Variants in ANO2 observed in about 807,000 individuals in gnomAD.
The protein encoded by ANO2 is anoctamin 2.
ANO2 carries 101 observed loss-of-function variants against 124.2 expected under a neutral mutation model. The ratio of observed to expected loss-of-function variants is 0.81; its 90% confidence interval spans 0.69 to 0.96. The LOEUF is 0.96. Among genes scored for constraint, ANO2 ranks in the 40% least tolerant of loss-of-function variants. The probability of loss-of-function intolerance (pLI) is 0.00; values close to 1 mark genes in which losing one functional copy is unlikely to be tolerated. For synonymous variants in ANO2, 486 were observed against 482.5 expected, an observed-to-expected ratio of 1.01 and a Z score of -0.09; for missense variants, 1,293 against 1,274.5, an observed-to-expected ratio of 1.01 and a Z score of -0.22.
chr12:5,829,421 G>A (rs1442768209), intron 6 of ANO2, among the ~76,000 whole-genome samples: 1 of 152,208 alleles, frequency 6.6e-6, no homozygotes, highest in Non-Finnish European at 1.5e-5. Context: ...GATCTGAGAT[G>A]TCCTTGCCCA....
At chr12:5,930,142 T>C (rs12580625) in intron 1 of ANO2, among the ~76,000 whole-genome samples, 6 of 57,028 alleles carry the variant, frequency 1.1e-4, no homozygotes, top group Non-Finnish European at 1.4e-4. Context: ...TACTAGTCTG[T>C]CTTCTTTCCT....
Position 5,612,976 on chromosome 12 carries a change from G to A in ANO2, c.1929-18C>T, listed in dbSNP as rs1389055284. 5 of 1,613,582 alleles carry A rather than the reference G, an allele frequency of 3.1e-6. No homozygotes were observed. Among genetic ancestry groups the A allele is most frequent in the African/African-American group, 2.7e-5 (2 of 74,904 alleles). On this transcript the variant is annotated intron_variant, in intron 17 of 24. Coordinates refer to ENST00000682330, the MANE Select transcript of ANO2 (RefSeq NM_001364791.2). Reference sequence around the variant, plus strand: ...CCACAAACCTGAAATCAAACAGTGTGGGAAGAGTTAGGGGAAGAGAAAGCA... The same window carrying A: ...CCACAAACCTGAAATCAAACAGTGTAGGAAGAGTTAGGGGAAGAGAAAGCA...
chr12:5,894,957 T>C (rs567877198), intron 3 of ANO2, among the ~76,000 whole-genome samples: 1 of 152,272 alleles, frequency 6.6e-6, no homozygotes, highest in African/African-American at 2.4e-5. Context: ...TTGTCTAGGA[T>C]TGTCTTGGAT....
In ANO2 at chr12:5,563,352, G is replaced by T; in HGVS notation, c.2944C>A (p.Gln982Lys). 6.2e-7 allele frequency: 1 copy of T among 1,605,012 alleles called. No homozygotes were observed. The change falls in exon 25 of 25, where the codon CAA (glutamine) becomes AAA (lysine). Residue 982 changes from glutamine to lysine, a missense_variant. Gln to Lys is a moderately conservative substitution (Grantham distance 53). Transcript: ENST00000682330. ...SRAASSAPSG[Q>K]SQLGSMMSSG... ...GACATCATGCTGCCCAGCTGGCTTT[G>T]GCCTGAAGGTGCTGAGCTGGCTGCC...
Position 5,923,329 on chromosome 12 carries a change from T to G in ANO2, c.23-525A>C, listed in dbSNP as rs556652710. On this transcript the variant is annotated intron_variant, in intron 1 of 24. Coordinates refer to ENST00000682330, the MANE Select transcript of ANO2 (RefSeq NM_001364791.2). Reference sequence around the variant, plus strand: ...AGCAGGAGCTCCTTCGGATCATGGCTGTCATAATCTCTCATAATTCCCAGA... The same window carrying G: ...AGCAGGAGCTCCTTCGGATCATGGCGGTCATAATCTCTCATAATTCCCAGA... 2.6e-5 allele frequency among the ~76,000 whole-genome samples: 4 copies of G among 151,806 alleles called. No homozygotes were observed. In the South Asian group the frequency reaches 8.3e-4, roughly 32 times the overall value.
At chr12:5,634,432 A>G (rs1945895568) in intron 16 of ANO2, among the ~76,000 whole-genome samples, 1 of 152,216 alleles carries the variant, frequency 6.6e-6, no homozygotes, top group Non-Finnish European at 1.5e-5. Flanking sequence ...AAATCCCTAC[A>G]TTCAGAGAGG....
chr12:5,798,388 T>C (rs910659895), intron 10 of ANO2, among the ~76,000 whole-genome samples: 1 of 152,094 alleles, frequency 6.6e-6, no homozygotes, highest in African/African-American at 2.4e-5. Context: ...TGCATCTCTG[T>C]GTAGGAGGTG....
intron 3 of ANO2, among the ~76,000 whole-genome samples, chr12:5,884,909 C>T (rs1386353424): frequency 6.6e-6 from 1 of 152,048 alleles, no homozygotes; most frequent in African/African-American, 2.4e-5. Context: ...CCCCTGCCCA[C>T]CCACCACCAT....
At position 5,840,785 on chromosome 12, in the gene ANO2, G is replaced by A. The variant is rs140954339; in HGVS notation, c.634-8182C>T. On this transcript the variant is annotated intron_variant, in intron 4 of 24. Transcript: ENST00000682330. ...GTGTTGACAGAAATTAACACCCATCGTCCGCCTCTTTTTATTTATTGATGC... is the reference window on the plus strand; with the variant it reads ...GTGTTGACAGAAATTAACACCCATCATCCGCCTCTTTTTATTTATTGATGC... Among the ~76,000 whole-genome samples, 5 of 152,246 alleles carry A rather than the reference G, an allele frequency of 3.3e-5. No individual in the cohort carries two copies. The East Asian group carries it at 7.7e-4, about 24-fold the overall frequency.
intron 23 of ANO2, among the ~76,000 whole-genome samples, chr12:5,566,979 T>G (rs560124059): frequency 6.6e-6 from 1 of 152,186 alleles, no homozygotes; most frequent in Admixed American, 6.5e-5. Context: ...TTGTTTTCCA[T>G]TGTCCAAAGA....
intron 3 of ANO2, among the ~76,000 whole-genome samples, chr12:5,913,919 T>C (rs1186084431): frequency 3.3e-5 from 5 of 152,178 alleles, no homozygotes. Context: ...CGACAGAGCC[T>C]GAGAAACAGT....
intron 3 of ANO2, among the ~76,000 whole-genome samples, chr12:5,899,884 A>G (rs1289771421): frequency 6.6e-6 from 1 of 151,980 alleles, no homozygotes; most frequent in African/African-American, 2.4e-5. Flanking sequence ...GGGAGGAGGG[A>G]TGGTGGGAGG....
chr12:5,676,522 C>T (rs1948251355), intron 14 of ANO2, among the ~76,000 whole-genome samples: 1 of 152,122 alleles, frequency 6.6e-6, no homozygotes, highest in Admixed American at 6.5e-5. Flanking sequence ...TTAGGAGAAA[C>T]TATACCAAAA....
intron 4 of ANO2, 119 bp downstream of exon 4, chr12:5,853,924 G>T: frequency 4.5e-6 from 1 of 223,186 alleles, no homozygotes. Flanking sequence ...ATGGGTCCCT[G>T]GGGAAGCAAG....
chr12:5,807,458 C>A (rs1196098299), intron 7 of ANO2, 90 bp from the exon 8 acceptor site: 1 of 1,119,182 alleles, frequency 8.9e-7, no homozygotes, highest in African/African-American at 1.6e-5. Flanking sequence ...CTTTCACATG[C>A]CCCCCCAGTT....
At chr12:5,565,008 A>G (rs1941666417) in intron 24 of ANO2, among the ~76,000 whole-genome samples, 1 of 152,094 alleles carries the variant, frequency 6.6e-6, no homozygotes, top group African/African-American at 2.4e-5. Flanking sequence ...CAGCGATGCA[A>G]TTGGAGCTGT....
At chr12:5,837,652 C>T (rs1418554951) in intron 4 of ANO2, among the ~76,000 whole-genome samples, 1 of 151,858 alleles carries the variant, frequency 6.6e-6, no homozygotes, top group African/African-American at 2.4e-5. Flanking sequence ...TAAAGATGTT[C>T]TTTGAAACCA....
At chr12:5,622,646 A>AC (rs1338348288) in intron 16 of ANO2, among the ~76,000 whole-genome samples, 1 of 152,172 alleles carries the variant, frequency 6.6e-6, no homozygotes, top group Non-Finnish European at 1.5e-5. Flanking sequence ...AGAGGGCCTC[A>AC]CCTGCCTAGG....
chr12:5,603,851 A>G (rs543897567), intron 19 of ANO2, among the ~76,000 whole-genome samples: 3 of 147,236 alleles, frequency 2.0e-5, no homozygotes, highest in Admixed American at 6.8e-5. Flanking sequence ...AGGCTGAGGC[A>G]GGAGAATGGC....
Sources: gnomAD v4.1 joint callset for allele counts (sites outside exome capture counted in the v4.1 genomes callset) on GRCh38, gnomAD v4.1.1 for gene constraint, MANE v1.5 for transcripts, NCBI Gene and HGNC (gene_info 2026-07-23, HGNC 2026-07-21) for gene names.